The following ROBO2 variants were observed in gnomAD, a reference collection of about 807,000 sequenced individuals.
ROBO2 encodes roundabout homolog 2.
Under a neutral mutation model 160.8 loss-of-function variants are expected in ROBO2, and 53 were observed. The observed-to-expected ratio is 0.33, with a 90% CI of 0.26 to 0.41. ROBO2 has a LOEUF of 0.41. Ranked by LOEUF, ROBO2 falls within the 10% of genes least tolerant of loss-of-function variation. The probability of loss-of-function intolerance (pLI) is 1.00; values close to 1 mark genes in which losing one functional copy is unlikely to be tolerated. For synonymous variants in ROBO2, 664 were observed against 611.7 expected (o/e 1.09, Z -1.26); for missense variants, 1,577 against 1,722.4 (o/e 0.92, Z 1.49).
intron 2 of ROBO2, among the ~76,000 whole-genome samples, chr3:76,610,107 T>C (rs2087973197): frequency 6.6e-6 from 1 of 152,214 alleles, no homozygotes; most frequent in Non-Finnish European, 1.5e-5. Flanking sequence ...TTCGGTTTAA[T>C]AGCATTTGGT....
intron 2 of ROBO2, among the ~76,000 whole-genome samples, chr3:76,559,177 T>G (rs1050400440): frequency 6.6e-6 from 1 of 152,114 alleles, no homozygotes; most frequent in African/African-American, 2.4e-5. Flanking sequence ...TTGTTCAGTT[T>G]TGCTCCCTGG....
chr3:76,297,116 G>C (rs1279188504), intron 2 of ROBO2, among the ~76,000 whole-genome samples: 1 of 152,154 alleles, frequency 6.6e-6, no homozygotes, highest in African/African-American at 2.4e-5. Context: ...CTGACATACT[G>C]GTTATGTGGG....
chr3:77,334,838 G>T (rs2066326347), intron 2 of ROBO2, among the ~76,000 whole-genome samples: 3 of 152,120 alleles, frequency 2.0e-5, no homozygotes, highest in Non-Finnish European at 4.4e-5. Flanking sequence ...TGAAAACTCT[G>T]CACAGTCCAT....
chr3:76,976,247 A>G (rs941594939), intron 2 of ROBO2, among the ~76,000 whole-genome samples: 2 of 152,224 alleles, frequency 1.3e-5, no homozygotes, highest in African/African-American at 4.8e-5. Context: ...GTCGAACAAT[A>G]TGAAACTAGA....
intron 2 of ROBO2, among the ~76,000 whole-genome samples, chr3:76,299,974 TGACATTTTTA>T (rs1365739089): frequency 6.6e-6 from 1 of 152,166 alleles, no homozygotes; most frequent in African/African-American, 2.4e-5. Context: ...GGTATTTATT[TGACATTTTTA>T]GACATTGTCT....
intron 2 of ROBO2, among the ~76,000 whole-genome samples, chr3:77,470,784 G>A (rs6548509): frequency 0.35 from 53,380 of 151,928 alleles, 9,508 homozygotes; most frequent in Admixed American, 0.44. Context: ...AAACTAAAAT[G>A]TATGTCATAT....
At chr3:76,803,896 A>C (rs1409601661) in intron 2 of ROBO2, among the ~76,000 whole-genome samples, 1 of 152,198 alleles carries the variant, frequency 6.6e-6, no homozygotes, top group Non-Finnish European at 1.5e-5. Context: ...GACGAATGAC[A>C]CATTAAAGGG....
intron 2 of ROBO2, among the ~76,000 whole-genome samples, chr3:76,422,161 A>G (rs777787832): frequency 2.6e-5 from 4 of 152,220 alleles, no homozygotes; most frequent in Admixed American, 6.5e-5. Flanking sequence ...TAATATGTAT[A>G]ATAATGGGAT....
At chr3:76,521,008 G>GT (rs1247452037) in intron 2 of ROBO2, among the ~76,000 whole-genome samples, 3 of 138,926 alleles carry the variant, frequency 2.2e-5, no homozygotes, top group Non-Finnish European at 3.1e-5. Context: ...TTGTCCAGAA[G>GT]TTTGATATGA....
rs985996081 is a variant in ROBO2 at position 77,521,565 on chromosome 3, A to C, written c.807-1210A>C. Among the ~76,000 whole-genome samples the C allele has an allele frequency of 4.0e-5, 6 of 151,310 alleles. No homozygotes were observed. In the East Asian group the frequency reaches 9.7e-4, roughly 24 times the overall value. On this transcript the variant is annotated intron_variant, in intron 5 of 25. Transcript: ENST00000461745. ...CCTAACCACTTATGACATATTTAAT[A>C]AGCAGAATTTTAAGGCAAAACTTGC...
At chr3:77,239,017 C>T (rs1397463286) in intron 2 of ROBO2, among the ~76,000 whole-genome samples, 1 of 152,186 alleles carries the variant, frequency 6.6e-6, no homozygotes, top group Non-Finnish European at 1.5e-5. Flanking sequence ...GTCCTGCAGT[C>T]AGCCCTGTGG....
intron 2 of ROBO2, among the ~76,000 whole-genome samples, chr3:76,406,467 AT>A (rs892864582): frequency 2.0e-5 from 3 of 151,568 alleles, no homozygotes; most frequent in East Asian, 3.9e-4. Flanking sequence ...TTCATATTCC[AT>A]TTTTTTTCCC....
chr3:76,370,078 T>C (rs945740577), intron 2 of ROBO2, among the ~76,000 whole-genome samples: 1 of 151,984 alleles, frequency 6.6e-6, no homozygotes, highest in Admixed American at 6.6e-5. Flanking sequence ...CTATGTAGAA[T>C]ATTACAGAGA....
At chr3:76,899,735 T>C (rs1025845325) in intron 2 of ROBO2, among the ~76,000 whole-genome samples, 2 of 152,242 alleles carry the variant, frequency 1.3e-5, no homozygotes, top group African/African-American at 4.8e-5. Flanking sequence ...TTCTCTTCCC[T>C]CCTCTGAGGT....
chr3:77,622,666 C>A (rs1030337787), intron 23 of ROBO2, among the ~76,000 whole-genome samples: 4 of 152,068 alleles, frequency 2.6e-5, no homozygotes, highest in Non-Finnish European at 5.9e-5. Context: ...TGAAAGAAAA[C>A]TCAATTATAT....
At chr3:76,845,362 T>A (rs1402874373) in intron 2 of ROBO2, among the ~76,000 whole-genome samples, 2 of 152,048 alleles carry the variant, frequency 1.3e-5, no homozygotes, top group Non-Finnish European at 2.9e-5. Flanking sequence ...CTTACCTTTC[T>A]AAAAAATATT....
intron 2 of ROBO2, among the ~76,000 whole-genome samples, chr3:77,219,434 G>GTGTATATATATA (rs1553852643): frequency 1.0e-4 from 12 of 115,254 alleles, no homozygotes; most frequent in African/African-American, 1.6e-4. Flanking sequence ...GTATGTGTGT[G>GTGTATATATATA]TATATATATA....
chr3:76,635,586 T>C (rs959652362), intron 2 of ROBO2, among the ~76,000 whole-genome samples: 1 of 152,240 alleles, frequency 6.6e-6, no homozygotes, highest in Non-Finnish European at 1.5e-5. Context: ...CCAGCTTTCA[T>C]GCTTACTCTT....
At position 77,014,844 on chromosome 3, in the gene ROBO2, C is replaced by T. The variant is rs189943632; in HGVS notation, c.110-83170C>T. 1.7e-3 allele frequency among the ~76,000 whole-genome samples: 263 copies of T among 152,200 alleles called. 2 individuals are homozygous for T. The highest frequency in any genetic ancestry group is 5.9e-3 in the African/African-American group (243 of 41,528). On this transcript the variant is annotated intron_variant, in intron 2 of 26. Transcript: ENST00000487694. ...AGCAGAGTTTCATTTAACATCTGCCCTCCTGGTTTTTAGGCTTTTGTTGAA... is the reference window on the plus strand; with the variant it reads ...AGCAGAGTTTCATTTAACATCTGCCTTCCTGGTTTTTAGGCTTTTGTTGAA...
Sources: gnomAD v4.1 joint callset for allele counts (sites outside exome capture counted in the v4.1 genomes callset) on GRCh38, gnomAD v4.1.1 for gene constraint, MANE v1.5 for transcripts, NCBI Gene and HGNC (gene_info 2026-07-23, HGNC 2026-07-21) for gene names.